Variants in CACNA2D3 observed in about 807,000 individuals in gnomAD.
CACNA2D3 encodes the protein calcium voltage-gated channel auxiliary subunit alpha2delta 3, also known as voltage-dependent calcium channel subunit alpha-2/delta-3.
A neutral mutation model predicts 160.6 loss-of-function variants in CACNA2D3; 60 were observed. The observed-to-expected ratio is 0.37, with a 90% CI of 0.30 to 0.46. CACNA2D3 has a LOEUF of 0.46. Among genes scored for constraint, CACNA2D3 ranks in the 20% least tolerant of loss-of-function variants. The probability of loss-of-function intolerance (pLI) is 1.00; values close to 1 mark genes in which losing one functional copy is unlikely to be tolerated. For synonymous variants in CACNA2D3, 558 were observed against 492.9 expected, an observed-to-expected ratio of 1.13 and a Z score of -1.75; for missense variants, 1,205 against 1,365.0, an observed-to-expected ratio of 0.88 and a Z score of 1.85.
In CACNA2D3 at chr3:54,317,601, G is replaced by A. The variant is rs547765627; in HGVS notation, c.205-2841G>A. 5.3e-5 allele frequency among the ~76,000 whole-genome samples: 8 copies of A among 152,164 alleles called. No homozygotes were observed. The South Asian group carries it at 1.0e-3, about 20-fold the overall frequency. ...TGCCCAGGCTGGAGTGCAATGGCGCGATCGCGGCTCACTGCAATATCCGCC... is the reference window on the plus strand; with the variant it reads ...TGCCCAGGCTGGAGTGCAATGGCGCAATCGCGGCTCACTGCAATATCCGCC... On this transcript the variant is annotated intron_variant, in intron 2 of 37. Coordinates refer to ENST00000474759, the MANE Select transcript of CACNA2D3 (RefSeq NM_018398.3).
At chr3:54,714,511 A>G (rs1454413119) in intron 11 of CACNA2D3, among the ~76,000 whole-genome samples, 1 of 152,160 alleles carries the variant, frequency 6.6e-6, no homozygotes, top group Non-Finnish European at 1.5e-5. Context: ...GACTCTTCAG[A>G]TTCCCAATGG....
intron 2 of CACNA2D3, among the ~76,000 whole-genome samples, chr3:54,301,249 C>T (rs1249664278): frequency 6.7e-6 from 1 of 150,298 alleles, no homozygotes; most frequent in Non-Finnish European, 1.5e-5. Flanking sequence ...AGAGCGAGAT[C>T]CTGTCTCAAA....
At chr3:54,203,985 C>T (rs927989469) in intron 2 of CACNA2D3, among the ~76,000 whole-genome samples, 3 of 152,058 alleles carry the variant, frequency 2.0e-5, no homozygotes, top group East Asian at 1.9e-4. Context: ...GCCAGGGACC[C>T]GCCCTTCTCT....
intron 9 of CACNA2D3, among the ~76,000 whole-genome samples, chr3:54,602,536 AAGAG>A (rs1191344658): frequency 6.6e-6 from 1 of 151,874 alleles, no homozygotes; most frequent in African/African-American, 2.4e-5. Flanking sequence ...AAAAAGAAAA[AAGAG>A]AGCAGCAGCA....
chr3:54,196,745 G>A lies in CACNA2D3; in HGVS notation c.204+73151G>A, dbSNP rs985227907. Among the ~76,000 whole-genome samples the A allele has an allele frequency of 2.4e-4, 37 of 152,200 alleles. 1 individual carries two copies. Among genetic ancestry groups the A allele is most frequent in the Admixed American group, 2.2e-3 (34 of 15,272 alleles). Reference sequence around the variant, plus strand: ...TGACATTTCCAGGCTTTGCCTAGGTGAATGTCTTTGGAGATGGCAATTTTT... The same window carrying A: ...TGACATTTCCAGGCTTTGCCTAGGTAAATGTCTTTGGAGATGGCAATTTTT... On this transcript the variant is annotated intron_variant, in intron 2 of 37. Transcript: ENST00000474759.
chr3:54,708,403 G>A (rs1280838429), intron 11 of CACNA2D3, among the ~76,000 whole-genome samples: 2 of 152,208 alleles, frequency 1.3e-5, no homozygotes, highest in Non-Finnish European at 2.9e-5. Context: ...GGCCCACTCT[G>A]TAGAGCTACC....
chr3:54,606,642 T>G (rs1698631992), intron 9 of CACNA2D3, among the ~76,000 whole-genome samples: 1 of 152,020 alleles, frequency 6.6e-6, no homozygotes, highest in African/African-American at 2.4e-5. Flanking sequence ...ACAAGGCACA[T>G]GAAGTGAGTT....
intron 11 of CACNA2D3, among the ~76,000 whole-genome samples, chr3:54,711,399 C>T (rs1190004031): frequency 6.6e-6 from 1 of 152,168 alleles, no homozygotes; most frequent in African/African-American, 2.4e-5. Context: ...ATTTTTATAG[C>T]GATACTCTCT....
At chr3:54,287,434 G>C (rs927445348) in intron 2 of CACNA2D3, among the ~76,000 whole-genome samples, 24 of 151,210 alleles carry the variant, frequency 1.6e-4, no homozygotes, top group East Asian at 3.9e-4. Flanking sequence ...AGCAAGTCCT[G>C]AGTGACCTAC....
chr3:54,703,976 G>A (rs902383397), intron 11 of CACNA2D3, among the ~76,000 whole-genome samples: 7 of 152,198 alleles, frequency 4.6e-5, no homozygotes, highest in African/African-American at 1.7e-4. Flanking sequence ...AATACTACAT[G>A]CTGTCTTTCT....
intron 34 of CACNA2D3, among the ~76,000 whole-genome samples, chr3:55,015,846 C>CA (rs1165476801): frequency 6.6e-6 from 1 of 152,140 alleles, no homozygotes; most frequent in African/African-American, 2.4e-5. Flanking sequence ...GTCCTTCTTA[C>CA]AAAACAGACG....
intron 10 of CACNA2D3, among the ~76,000 whole-genome samples, chr3:54,629,219 C>T (rs1202761236): frequency 6.6e-6 from 1 of 151,910 alleles, no homozygotes; most frequent in Admixed American, 6.6e-5. Flanking sequence ...GGTCTGCAGG[C>T]AGCTCTGTAG....
intron 2 of CACNA2D3, among the ~76,000 whole-genome samples, chr3:54,201,656 A>T (rs115404361): frequency 0.028 from 4,285 of 152,356 alleles, 93 homozygotes; most frequent in South Asian, 0.13. Flanking sequence ...AAGAAAATAA[A>T]TGTAAGGAAT....
intron 13 of CACNA2D3, among the ~76,000 whole-genome samples, chr3:54,791,550 T>TG (rs35115178): frequency 2.5e-4 from 38 of 152,226 alleles, no homozygotes; most frequent in Non-Finnish European, 4.7e-4. Flanking sequence ...GTAATCACTC[T>TG]GGGTAATTTA....
Position 54,846,404 on chromosome 3 carries a change from C to G in CACNA2D3, c.1563C>G (p.His521Gln), listed in dbSNP as rs376454319. ...KTIPKYKLGI[H>Q]GYAFAITNNG... The stretch of plus-strand genomic sequence containing the variant: ...GCTTCCTCTTACAGTTAGGGATTCA[C>G]GGTTATGCCTTTGCAATCACAAATA... The change falls in exon 17 of 38, where the codon CAC becomes CAG. Residue 521 changes from histidine (H) to glutamine (Q), a missense_variant. Physicochemically the swap from His to Gln is conservative, Grantham distance 24. Coordinates refer to ENST00000474759, the MANE Select transcript of CACNA2D3 (RefSeq NM_018398.3). 1.2e-6 allele frequency: 2 copies of G among 1,604,280 alleles called. No homozygotes were observed. Among genetic ancestry groups the G allele is most frequent in the South Asian group, 1.1e-5 (1 of 88,996 alleles).
rs139924610 is a variant in CACNA2D3 at position 54,491,822 on chromosome 3, A to G, written c.382-11670A>G. 4.6e-4 allele frequency among the ~76,000 whole-genome samples: 70 copies of G among 152,320 alleles called. 1 individual carries two copies. In the East Asian group the frequency reaches 0.013, roughly 28 times the overall value. ...ACTATCTGGATAGTTCTTTGCAGAA[A>G]AAGTTTGCCAACCTCTAAACTGGGG... On this transcript the variant is annotated intron_variant, in intron 4 of 37. Coordinates refer to ENST00000474759, the MANE Select transcript of CACNA2D3 (RefSeq NM_018398.3).
At position 54,822,779 on chromosome 3, in the gene CACNA2D3, TTTCTTTCTTTCCTTTCTTTC is replaced by T. The variant is rs1559595541; in HGVS notation, c.1398+5912_1398+5931del. Among the ~76,000 whole-genome samples, 30 of 88,008 alleles carry T rather than the reference TTTCTTTCTTTCCTTTCTTTC, an allele frequency of 3.4e-4. No homozygotes were observed. The South Asian group carries it at 6.6e-3, about 19-fold the overall frequency. The allele number at this position is 88,008 out of a possible 152,430, so 57.7% of individuals were successfully genotyped here. On this transcript the variant is annotated intron_variant, in intron 14 of 37. Transcript: ENST00000474759. ...CTTTCTTTCTTTCTTTCTTTCTTTC[TTTCTTTCTTTCCTTTCTTTC>T]TTTCTTTCTTTCTTTCTTTCTTTCT...
At chr3:54,718,419 T>C (rs755838963) in intron 11 of CACNA2D3, among the ~76,000 whole-genome samples, 1 of 152,198 alleles carries the variant, frequency 6.6e-6, no homozygotes, top group Non-Finnish European at 1.5e-5. Context: ...AATTATGGCT[T>C]ATTTTTCTCC....
At chr3:54,732,558 C>T (rs1322533366) in intron 11 of CACNA2D3, among the ~76,000 whole-genome samples, 1 of 152,184 alleles carries the variant, frequency 6.6e-6, no homozygotes, top group Non-Finnish European at 1.5e-5. Flanking sequence ...TTGGGGATAG[C>T]AATGGAAGGT....
Sources: allele counts gnomAD v4.1 joint callset (sites outside exome capture counted in the v4.1 genomes callset), GRCh38; gene constraint gnomAD v4.1.1; transcripts MANE v1.5; gene names NCBI Gene and HGNC (gene_info 2026-07-23, HGNC 2026-07-21).